ANK2: variants seen among roughly 807,000 people sequenced by gnomAD.
ANK2 encodes the protein ankyrin 2.
A neutral mutation model predicts 360.5 loss-of-function variants in ANK2; 83 were observed. The observed-to-expected ratio is 0.23, with a 90% confidence interval of 0.19 to 0.28. The LOEUF is 0.28. ANK2 is among the 10% of genes least tolerant of loss of function. The pLI is 1.00. For missense variants in ANK2, 4,201 were observed against 4,795.7 expected (o/e 0.88, Z 3.66); for synonymous variants, 1,740 against 1,759.5 (o/e 0.99, Z 0.28).
At chr4:113,230,101 T>C (rs911604801) in intron 4 of ANK2, among the ~76,000 whole-genome samples, 1 of 152,092 alleles carries the variant, frequency 6.6e-6, no homozygotes. Context: ...CTTGCTGTGT[T>C]TTTTTAAAAA....
chr4:112,908,879 T>C (rs2086162944), intron 2 of ANK2, among the ~76,000 whole-genome samples: 1 of 152,180 alleles, frequency 6.6e-6, no homozygotes, highest in Non-Finnish European at 1.5e-5. Flanking sequence ...GAACCACACA[T>C]TAAGATCTGT....
rs145626929 is a variant in ANK2 at position 113,019,412 on chromosome 4, GC to G, written c.21+114900del. ...AAATGTTGTTATTTGCTTTTGGATA[GC>G]CTTTGATCATATGGACAGAAATAAA... On this transcript the variant is annotated intron_variant, in intron 2 of 30. Coordinates refer to the ANK2 transcript ENST00000503271. Among the ~76,000 whole-genome samples the G allele has an allele frequency of 7.6e-4, 115 of 152,236 alleles. 2 individuals carry two copies. In the East Asian group the frequency reaches 0.021, roughly 27 times the overall value.
At chr4:112,808,109 G>C in the ANK2 span, among the ~76,000 whole-genome samples, 7 of 152,070 alleles carry the variant, frequency 4.6e-5, no homozygotes, top group South Asian at 1.5e-3. Flanking sequence ...CAATAGTGAA[G>C]AGTACTGCCA....
At chr4:113,171,021 T>A (rs2097922614) in intron 1 of ANK2, among the ~76,000 whole-genome samples, 1 of 152,216 alleles carries the variant, frequency 6.6e-6, no homozygotes, top group East Asian at 1.9e-4. Flanking sequence ...GTCTTACATT[T>A]GTCTGAGACT....
chr4:112,852,449 T>C (rs1247436782), intron 1 of ANK2, among the ~76,000 whole-genome samples: 1 of 152,242 alleles, frequency 6.6e-6, no homozygotes, highest in Non-Finnish European at 1.5e-5. Context: ...TTTGAAGGAA[T>C]TCTTATACAT....
At chr4:113,083,386 G>A (rs534217739) in intron 1 of ANK2, among the ~76,000 whole-genome samples, 1 of 152,088 alleles carries the variant, frequency 6.6e-6, no homozygotes, top group African/African-American at 2.4e-5. Flanking sequence ...GTCTTGCTAT[G>A]TTGGTCTCAA....
chr4:112,850,997 T>C (rs562011295), intron 1 of ANK2, among the ~76,000 whole-genome samples: 3 of 152,316 alleles, frequency 2.0e-5, no homozygotes, highest in South Asian at 4.2e-4. Flanking sequence ...ATTTCGTTAC[T>C]TGAAGGACAT....
At chr4:113,027,220 G>A (rs113752908) in intron 2 of ANK2, among the ~76,000 whole-genome samples, 4 of 152,176 alleles carry the variant, frequency 2.6e-5, no homozygotes, top group African/African-American at 9.6e-5. Context: ...GATAGTTTTT[G>A]GGTGGGATGA....
At chr4:113,020,936 G>T (rs2057918317) in intron 2 of ANK2, among the ~76,000 whole-genome samples, 1 of 150,876 alleles carries the variant, frequency 6.6e-6, no homozygotes, top group Non-Finnish European at 1.5e-5. Flanking sequence ...TCAGGGTATT[G>T]CTTTGTGTTC....
intron 2 of ANK2, among the ~76,000 whole-genome samples, chr4:112,970,309 G>A (rs184132331): frequency 4.6e-5 from 7 of 151,928 alleles, no homozygotes; most frequent in Admixed American, 4.6e-4. Flanking sequence ...GTTTGGTGCT[G>A]TCACATACAT....
intron 2 of ANK2, among the ~76,000 whole-genome samples, chr4:113,026,030 G>A (rs769665711): frequency 6.6e-5 from 10 of 152,132 alleles, no homozygotes; most frequent in Non-Finnish European, 1.3e-4. Context: ...TTGCTTTCTT[G>A]GTCATTTTGC....
intron 1 of ANK2, among the ~76,000 whole-genome samples, chr4:112,838,302 A>G (rs2061410097): frequency 6.6e-6 from 1 of 152,160 alleles, no homozygotes; most frequent in Non-Finnish European, 1.5e-5. Flanking sequence ...AGCCATGCAG[A>G]ACTGTGAGTC....
chr4:113,213,189 C>T (rs944872723), intron 4 of ANK2, among the ~76,000 whole-genome samples: 1 of 152,140 alleles, frequency 6.6e-6, no homozygotes, highest in African/African-American at 2.4e-5. Flanking sequence ...GAAGGTAATT[C>T]TAAGTCTGGA....
chr4:112,864,166 G>C (rs549375827), intron 1 of ANK2, among the ~76,000 whole-genome samples: 2 of 152,046 alleles, frequency 1.3e-5, no homozygotes, highest in African/African-American at 4.8e-5. Flanking sequence ...CCAAAATAAG[G>C]GTTCTGGTTA....
intron 1 of ANK2, among the ~76,000 whole-genome samples, chr4:113,150,728 A>T (rs1445362513): frequency 6.6e-6 from 1 of 152,222 alleles, no homozygotes; most frequent in Non-Finnish European, 1.5e-5. Flanking sequence ...GGAAGTTCAC[A>T]CACTCAGTAT....
Position 112,831,287 on chromosome 4 carries a change from TG to T in ANK2, c.-40+13025del, listed in dbSNP as rs565125205. On this transcript the variant is annotated intron_variant, in intron 1 of 30. Coordinates refer to the ANK2 transcript ENST00000503271. ...TGGGCTCCTGAGTCGGGTGGGGACA[TG>T]GAGAACTTTTATGCCTAGCTAAAGG... Among the ~76,000 whole-genome samples, 452 of 152,308 alleles carry T rather than the reference TG, an allele frequency of 3.0e-3. 3 individuals carry two copies. The highest frequency in any genetic ancestry group is 0.01 in the African/African-American group (427 of 41,580).
At chr4:112,745,531 CTTT>C in the ANK2 span, among the ~76,000 whole-genome samples, 2 of 123,134 alleles carry the variant, frequency 1.6e-5, no homozygotes, top group Admixed American at 1.8e-4. Flanking sequence ...AGTACTAGAT[CTTT>C]TTTTTTTTTT....
At chr4:113,300,540 C>T (rs1341648315) in intron 22 of ANK2, among the ~76,000 whole-genome samples, 1 of 152,124 alleles carries the variant, frequency 6.6e-6, no homozygotes, top group Non-Finnish European at 1.5e-5. Flanking sequence ...ACACACAGTG[C>T]GTAGTGTATG....
chr4:112,752,073 A>T, the ANK2 span, among the ~76,000 whole-genome samples: 1 of 152,190 alleles, frequency 6.6e-6, no homozygotes, highest in African/African-American at 2.4e-5. Context: ...CACATGGCAC[A>T]ACCTGATCCC....
Sources: allele counts gnomAD v4.1 joint callset (sites outside exome capture counted in the v4.1 genomes callset), GRCh38; gene constraint gnomAD v4.1.1; transcripts MANE v1.5; gene names NCBI Gene and HGNC (gene_info 2026-07-23, HGNC 2026-07-21).